RPH3A: variants seen among roughly 807,000 people sequenced by gnomAD.
RPH3A encodes rabphilin 3A, also known as rabphilin-3A.
In RPH3A, 48 loss-of-function variants were observed where a neutral mutation model predicts 102.2. The observed-to-expected ratio is 0.47, with a 90% confidence interval of 0.37 to 0.60. The LOEUF is 0.60. RPH3A is among the 20% of genes least tolerant of loss of function. The pLI is 0.00. For synonymous variants in RPH3A, 310 were observed against 324.3 expected (o/e 0.96, Z 0.47); for missense variants, 781 against 910.1 (o/e 0.86, Z 1.83).
chr12:112,730,290 C>T (rs532622158), intron 1 of RPH3A, among the ~76,000 whole-genome samples: 141 of 152,348 alleles, frequency 9.3e-4, no homozygotes, highest in Non-Finnish European at 1.6e-3. Flanking sequence ...GAGGTCAACA[C>T]GGAGATGCAC....
chr12:112,579,248 C>A (rs962454568), intron 1 of RPH3A, among the ~76,000 whole-genome samples: 53 of 152,310 alleles, frequency 3.5e-4, no homozygotes, highest in Admixed American at 3.2e-3. Context: ...TGGTCTCCCC[C>A]TCATGTACTG....
chr12:112,884,807 G>A (rs2042978182), intron 16 of RPH3A, among the ~76,000 whole-genome samples: 1 of 152,170 alleles, frequency 6.6e-6, no homozygotes, highest in African/African-American at 2.4e-5. Context: ...TTTCACAATA[G>A]TGAACATACT....
intron 2 of RPH3A, among the ~76,000 whole-genome samples, chr12:112,806,971 G>GA (rs145180865): frequency 0.047 from 7,102 of 151,948 alleles, 541 homozygotes; most frequent in African/African-American, 0.16. Context: ...AAAGAGAGGA[G>GA]AAAAAAACAG....
At chr12:112,705,562 C>T (rs1387994128) in intron 1 of RPH3A, among the ~76,000 whole-genome samples, 3 of 151,738 alleles carry the variant, frequency 2.0e-5, no homozygotes, top group Non-Finnish European at 4.4e-5. Context: ...TAATTTAGAC[C>T]CATGGAAAAT....
intron 1 of RPH3A, among the ~76,000 whole-genome samples, chr12:112,600,304 G>C (rs2039548704): frequency 6.6e-6 from 1 of 152,178 alleles, no homozygotes; most frequent in Admixed American, 6.5e-5. Context: ...ATTAATGCCA[G>C]CTCTGATAAT....
At chr12:112,843,899 A>G (rs1475267958) in intron 4 of RPH3A, among the ~76,000 whole-genome samples, 1 of 152,078 alleles carries the variant, frequency 6.6e-6, no homozygotes, top group Non-Finnish European at 1.5e-5. Context: ...AGGGTAGGTG[A>G]TCTTCATTAC....
rs370778436 is a variant in RPH3A at position 112,887,785 on chromosome 12, T to C, written c.1437-12T>C. The C allele has an allele frequency of 3.3e-5, 54 of 1,612,830 alleles. No homozygotes were observed. The highest frequency in any genetic ancestry group is 4.5e-5 in the Non-Finnish European group (53 of 1,179,278). On this transcript the variant is annotated splice_polypyrimidine_tract_variant and intron_variant, in intron 16 of 21. Coordinates refer to ENST00000389385, the MANE Select transcript of RPH3A (RefSeq NM_001143854.2). ...TCCTGTTTCTCTCTCTACCCCCTTG[T>C]GTTGGTGGCAGGATCTCCGTCTGTG...
chr12:112,610,462 T>TACTGC (rs1276188883), intron 1 of RPH3A, among the ~76,000 whole-genome samples: 4 of 142,698 alleles, frequency 2.8e-5, no homozygotes, highest in Non-Finnish European at 4.5e-5. Context: ...GAGGTTGCAC[T>TACTGC]ACTGCACTCC....
intron 1 of RPH3A, among the ~76,000 whole-genome samples, chr12:112,630,410 G>A (rs1301467781): frequency 6.6e-6 from 1 of 152,184 alleles, no homozygotes; most frequent in Admixed American, 6.5e-5. Flanking sequence ...GCACAGGTGT[G>A]GTCTTTAGGT....
chr12:112,891,020 G>T lies in RPH3A; in HGVS notation c.1775+17G>T. 1 of 1,613,790 alleles carries T rather than the reference G, an allele frequency of 6.2e-7. No individual in the cohort carries two copies. The highest frequency in any genetic ancestry group is 8.5e-7 in the Non-Finnish European group (1 of 1,179,868). On this transcript the variant is annotated intron_variant, in intron 19 of 21. Coordinates refer to ENST00000389385, the MANE Select transcript of RPH3A (RefSeq NM_001143854.2). ...CGTCAAGCTGTAAGTCAATGCCTTG[G>T]GGCTACAGGTGGGCCCTGAAGGAGT...
chr12:112,582,388 G>C (rs536606597), intron 1 of RPH3A, among the ~76,000 whole-genome samples: 2 of 146,998 alleles, frequency 1.4e-5, no homozygotes, highest in South Asian at 5.2e-4. Flanking sequence ...TAGGATTATA[G>C]GCATGAGCCA....
At chr12:112,789,770 A>G (rs2041076590), upstream of RPH3A, among the ~76,000 whole-genome samples, 1 of 151,336 alleles carries the variant, frequency 6.6e-6, no homozygotes, top group African/African-American at 2.4e-5. Flanking sequence ...CATCACTATG[A>G]TTACCATCAT....
chr12:112,875,790 T>C, intron 12 of RPH3A, 49 bp downstream of exon 12: 2 of 1,475,618 alleles, frequency 1.4e-6, no homozygotes, highest in Non-Finnish European at 1.9e-6. Flanking sequence ...ACCTCTCCCC[T>C]ACCTCCCTGA....
At chr12:112,718,551 AG>A (rs1297304929) in intron 1 of RPH3A, among the ~76,000 whole-genome samples, 1 of 152,226 alleles carries the variant, frequency 6.6e-6, no homozygotes, top group Non-Finnish European at 1.5e-5. Flanking sequence ...TCTCCCCAGG[AG>A]GATTCTGACC....
intron 15 of RPH3A, among the ~76,000 whole-genome samples, 181 bp downstream of exon 15, chr12:112,882,027 G>A (rs934238712): frequency 6.6e-6 from 1 of 152,144 alleles, no homozygotes; most frequent in Non-Finnish European, 1.5e-5. Flanking sequence ...ATTCTCCCTT[G>A]GGTAGGGGCT....
intron 1 of RPH3A, among the ~76,000 whole-genome samples, chr12:112,585,473 AC>A: frequency 6.6e-6 from 1 of 152,272 alleles, no homozygotes; most frequent in East Asian, 1.9e-4. Flanking sequence ...GGTGGCTCGC[AC>A]CTGTAATCCC....
chr12:112,701,169 T>C (rs186057782), intron 1 of RPH3A, among the ~76,000 whole-genome samples: 3 of 152,286 alleles, frequency 2.0e-5, no homozygotes, highest in East Asian at 3.9e-4. Flanking sequence ...CAAGTTTATT[T>C]CAACCATCAA....
At chr12:112,704,455 T>C (rs1347684866) in intron 1 of RPH3A, among the ~76,000 whole-genome samples, 1 of 152,148 alleles carries the variant, frequency 6.6e-6, no homozygotes, top group African/African-American at 2.4e-5. Flanking sequence ...AAGGTGGCCC[T>C]TTGCTCAAAG....
chr12:112,739,863 TTTG>T (rs1336952640), intron 1 of RPH3A, among the ~76,000 whole-genome samples: 1 of 152,098 alleles, frequency 6.6e-6, no homozygotes, highest in Non-Finnish European at 1.5e-5. Flanking sequence ...CTCTGGAAGG[TTTG>T]TTGACTCTTC....
Sources: gnomAD v4.1 joint callset for allele counts (sites outside exome capture counted in the v4.1 genomes callset) on GRCh38, gnomAD v4.1.1 for gene constraint, MANE v1.5 for transcripts, NCBI Gene and HGNC (gene_info 2026-07-23, HGNC 2026-07-21) for gene names.